The following GPHN variants were observed in gnomAD, a reference collection of about 807,000 sequenced individuals.
GPHN encodes the protein gephyrin.
GPHN carries 17 observed loss-of-function variants against 95.5 expected under a neutral mutation model. The ratio of observed to expected loss-of-function variants is 0.18; its 90% confidence interval spans 0.12 to 0.27. GPHN has a LOEUF of 0.27. GPHN is among the 10% of genes least tolerant of loss of function. The pLI, the probability that GPHN is intolerant of heterozygous loss-of-function variation, is 1.00. For synonymous variants in GPHN, 320 were observed against 322.5 expected (o/e 0.99, Z 0.08); for missense variants, 660 against 978.1 (o/e 0.67, Z 4.34).
intron 9 of GPHN, among the ~76,000 whole-genome samples, chr14:67,005,872 A>T (rs2072571525): frequency 6.6e-6 from 1 of 151,626 alleles, no homozygotes; most frequent in Non-Finnish European, 1.5e-5. Flanking sequence ...TTGGATGTGG[A>T]TTTTACCTAG....
At chr14:67,209,480 T>A in the GPHN span, among the ~76,000 whole-genome samples, 7 of 152,092 alleles carry the variant, frequency 4.6e-5, no homozygotes, top group African/African-American at 7.2e-5. Context: ...TAAATCATTT[T>A]AAAAAAATAA....
At chr14:66,575,276 C>T (rs540881298) in intron 1 of GPHN, among the ~76,000 whole-genome samples, 14 of 152,234 alleles carry the variant, frequency 9.2e-5, no homozygotes, top group South Asian at 2.1e-4. Flanking sequence ...TCCTAGCCTG[C>T]GAGGTTTCTG....
At chr14:67,204,303 G>A in the GPHN span, among the ~76,000 whole-genome samples, 1 of 152,166 alleles carries the variant, frequency 6.6e-6, no homozygotes, top group East Asian at 1.9e-4. Flanking sequence ...CCAGGCATTG[G>A]TGGTACATAT....
chr14:67,144,500 A>G (rs1186493470), intron 18 of GPHN, among the ~76,000 whole-genome samples: 1 of 151,782 alleles, frequency 6.6e-6, no homozygotes, highest in Non-Finnish European at 1.5e-5. Flanking sequence ...TTTTTGGCTC[A>G]AAGATATTTC....
intron 1 of GPHN, among the ~76,000 whole-genome samples, chr14:66,588,677 A>G (rs1435110836): frequency 6.6e-6 from 1 of 152,136 alleles, no homozygotes; most frequent in Non-Finnish European, 1.5e-5. Context: ...TGTGAAGACA[A>G]GATTAGAGAA....
In GPHN at chr14:67,123,066, C is replaced by G. The variant is rs112095182; in HGVS notation, c.1748+689C>G. 3.5e-3 allele frequency among the ~76,000 whole-genome samples: 538 copies of G among 152,276 alleles called. 8 individuals carry two copies. The highest frequency in any genetic ancestry group is 0.012 in the African/African-American group (502 of 41,556). On this transcript the variant is annotated intron_variant, in intron 17 of 22. Transcript: ENST00000478722. ...CTGCCTGGCTGTCTTTCAAAAGTCACCCTTTCCATTTCACTAGAGCTACAC... is the reference window on the plus strand; with the variant it reads ...CTGCCTGGCTGTCTTTCAAAAGTCAGCCTTTCCATTTCACTAGAGCTACAC...
intron 8 of GPHN, 126 bp from the exon 9 acceptor site, chr14:66,965,065 C>G (rs1187017433): frequency 1.3e-6 from 1 of 791,534 alleles, no homozygotes; most frequent in African/African-American, 1.7e-5. Flanking sequence ...GCATTTATAC[C>G]TAACAGTAAG....
the GPHN span, among the ~76,000 whole-genome samples, chr14:67,644,837 AAAT>A: frequency 4.6e-5 from 7 of 152,056 alleles, no homozygotes; most frequent in Non-Finnish European, 1.0e-4. Context: ...TCTTTACTAA[AAAT>A]ACAAAAAATT....
the GPHN span, among the ~76,000 whole-genome samples, chr14:67,519,710 GT>G: frequency 3.4e-5 from 3 of 88,972 alleles, no homozygotes; most frequent in African/African-American, 6.7e-5. Flanking sequence ...GGCCCTGTAA[GT>G]TTGTTTTTTT....
chr14:67,619,928 C>A, the GPHN span: 2 of 1,321,578 alleles, frequency 1.5e-6, no homozygotes, highest in Non-Finnish European at 2.0e-6. Context: ...TCACTCCCGG[C>A]TTCCAACCGC....
At chr14:66,542,535 C>G (rs1428055734) in intron 1 of GPHN, among the ~76,000 whole-genome samples, 1 of 152,164 alleles carries the variant, frequency 6.6e-6, no homozygotes, top group Non-Finnish European at 1.5e-5. Context: ...TAACCAATCC[C>G]TTCGTTTGTG....
intron 21 of GPHN, among the ~76,000 whole-genome samples, chr14:67,169,970 C>G (rs1376282733): frequency 2.0e-5 from 3 of 152,058 alleles, no homozygotes; most frequent in African/African-American, 4.8e-5. Flanking sequence ...CCCGGCTATT[C>G]AGGAGGCTGA....
intron 1 of GPHN, among the ~76,000 whole-genome samples, chr14:66,582,215 T>C (rs2061211963): frequency 1.3e-5 from 2 of 151,938 alleles, no homozygotes; most frequent in Admixed American, 1.3e-4. Flanking sequence ...GAAAATAGAA[T>C]TCATAACAGA....
intron 17 of GPHN, among the ~76,000 whole-genome samples, chr14:67,136,409 G>A (rs2080080668): frequency 6.6e-6 from 1 of 152,194 alleles, no homozygotes; most frequent in Non-Finnish European, 1.5e-5. Flanking sequence ...CGGTTTTGTT[G>A]TGAAGGCTGG....
chr14:67,653,555 G>T, the GPHN span: 1 of 1,477,070 alleles, frequency 6.8e-7, no homozygotes, highest in South Asian at 1.2e-5. Flanking sequence ...CTGTACAATT[G>T]AATATCCCTA....
chr14:67,352,446 A>G, the GPHN span, among the ~76,000 whole-genome samples: 1 of 152,024 alleles, frequency 6.6e-6, no homozygotes, highest in African/African-American at 2.4e-5. Context: ...AAAAAAAGAA[A>G]AAGACTAGAA....
At chr14:66,772,111 A>C (rs554603749) in intron 2 of GPHN, among the ~76,000 whole-genome samples, 93 of 150,916 alleles carry the variant, frequency 6.2e-4, no homozygotes, top group African/African-American at 2.2e-3. Context: ...TTTGTCCTTT[A>C]GGAAAAAAAA....
the GPHN span, among the ~76,000 whole-genome samples, chr14:67,444,410 G>A: frequency 2.0e-5 from 3 of 152,190 alleles, no homozygotes; most frequent in African/African-American, 7.2e-5. Context: ...TATGCATTCA[G>A]AGCATGTTTT....
the GPHN span, chr14:67,729,644 A>G: frequency 1.6e-6 from 1 of 610,898 alleles, no homozygotes. Context: ...AAGCTTTTAA[A>G]GAAGACTGTC....
Sources: gnomAD v4.1 joint callset for allele counts (sites outside exome capture counted in the v4.1 genomes callset) on GRCh38, gnomAD v4.1.1 for gene constraint, MANE v1.5 for transcripts, NCBI Gene and HGNC (gene_info 2026-07-23, HGNC 2026-07-21) for gene names.